FBXO34: variants seen among roughly 807,000 people sequenced by gnomAD.
FBXO34 encodes F-box protein 34, also known as F-box only protein 34.
Under a neutral mutation model 24.5 loss-of-function variants are expected in FBXO34, and 12 were observed. The observed-to-expected ratio is 0.49, with a 90% CI of 0.31 to 0.79. FBXO34 has a LOEUF of 0.79. Ranked by LOEUF, FBXO34 falls within the 30% of genes least tolerant of loss-of-function variation. The pLI is 0.04. For synonymous variants in FBXO34, 320 were observed against 311.9 expected, an observed-to-expected ratio of 1.03 and a Z score of -0.27; for missense variants, 823 against 857.7, an observed-to-expected ratio of 0.96 and a Z score of 0.51.
chr14:55,379,642 T>C, the FBXO34 span, among the ~76,000 whole-genome samples: 1 of 152,250 alleles, frequency 6.6e-6, no homozygotes, highest in Non-Finnish European at 1.5e-5. Context: ...TGTTTATATA[T>C]GCTTGAAATG....
intron 1 of FBXO34, among the ~76,000 whole-genome samples, chr14:55,306,878 A>G (rs868758997): frequency 6.6e-6 from 1 of 152,102 alleles, no homozygotes; most frequent in Non-Finnish European, 1.5e-5. Flanking sequence ...TTTAGGTCTT[A>G]CTAAATGGAA....
At chr14:55,432,731 C>T in the FBXO34 span, among the ~76,000 whole-genome samples, 574 of 152,228 alleles carry the variant, frequency 3.8e-3, 26 homozygotes, top group East Asian at 0.098. Context: ...ATTTATAGAG[C>T]GAGAAATTGG....
At chr14:55,401,190 G>C in the FBXO34 span, among the ~76,000 whole-genome samples, 2 of 151,656 alleles carry the variant, frequency 1.3e-5, no homozygotes, top group Non-Finnish European at 2.9e-5. Context: ...GAGAAAGTTT[G>C]AACAACTTTT....
the FBXO34 span, among the ~76,000 whole-genome samples, chr14:55,404,098 T>G: frequency 6.6e-6 from 1 of 152,150 alleles, no homozygotes; most frequent in East Asian, 1.9e-4. Context: ...TTACTTGAGG[T>G]AGATCAGCTC....
At chr14:55,388,465 C>G in the FBXO34 span, among the ~76,000 whole-genome samples, 1 of 152,248 alleles carries the variant, frequency 6.6e-6, no homozygotes, top group Non-Finnish European at 1.5e-5. Context: ...GGTGCTGTAT[C>G]TGTAATCTAC....
the FBXO34 span, chr14:55,380,673 G>A: frequency 6.2e-7 from 1 of 1,602,252 alleles, no homozygotes; most frequent in Non-Finnish European, 8.5e-7. Flanking sequence ...GTGTAGGCAG[G>A]GTTACTCTGC....
At chr14:55,415,853 G>A in the FBXO34 span, among the ~76,000 whole-genome samples, 29 of 152,100 alleles carry the variant, frequency 1.9e-4, no homozygotes, top group Admixed American at 1.9e-3. Flanking sequence ...GCGACACAGC[G>A]AGACTCTGTC....
At chr14:55,274,069 G>T (rs1403893432) in intron 1 of FBXO34, among the ~76,000 whole-genome samples, 1 of 152,192 alleles carries the variant, frequency 6.6e-6, no homozygotes, top group African/African-American at 2.4e-5. Context: ...CTCCCAAAGT[G>T]CTGGGACTAC....
At chr14:55,405,878 G>A in the FBXO34 span, among the ~76,000 whole-genome samples, 1 of 152,074 alleles carries the variant, frequency 6.6e-6, no homozygotes, top group South Asian at 2.1e-4. Flanking sequence ...TCTCCCCTGG[G>A]GGTGGGGTGG....
chr14:55,380,691 CTG>C, the FBXO34 span: 1 of 1,589,368 alleles, frequency 6.3e-7, no homozygotes, highest in Non-Finnish European at 8.6e-7. Flanking sequence ...TGCTCCATGT[CTG>C]CAGTAAGAAA....
At chr14:55,336,154 T>G (rs1178198654) in intron 1 of FBXO34, among the ~76,000 whole-genome samples, 1 of 152,236 alleles carries the variant, frequency 6.6e-6, no homozygotes, top group Non-Finnish European at 1.5e-5. Context: ...TGTATTTAAT[T>G]AGGAATTGGA....
At chr14:55,350,218 A>G (rs1270486576) in intron 1 of FBXO34, among the ~76,000 whole-genome samples, 163 bp from the exon 2 acceptor site, 1 of 151,330 alleles carries the variant, frequency 6.6e-6, no homozygotes, top group South Asian at 2.1e-4. Flanking sequence ...GTTATTCTTG[A>G]TATGTGCAGT....
intron 1 of FBXO34, among the ~76,000 whole-genome samples, chr14:55,336,166 T>G (rs1883768740): frequency 6.6e-6 from 1 of 152,228 alleles, no homozygotes; most frequent in Non-Finnish European, 1.5e-5. Flanking sequence ...GGAATTGGAT[T>G]GATTGGTCTT....
Position 55,351,837 on chromosome 14 carries a change from T to C in FBXO34, c.1447T>C (p.Phe483Leu). The C allele has an allele frequency of 6.2e-7, 1 of 1,613,750 alleles. No individual in the cohort carries two copies. Among genetic ancestry groups the C allele is most frequent in the Non-Finnish European group, 8.5e-7 (1 of 1,179,868 alleles). ...SCEDPVPGML[F>L]FLPPGQHLSD... ...TGAAGACCCAGTTCCAGGGATGTTG[T>C]TTTTTTTGCCACCTGGTCAGCACTT... Residue 483 changes from phenylalanine (F) to leucine (L), a missense_variant, in exon 2 of 2, where the codon TTT (phenylalanine) becomes CTT (leucine). By Grantham distance (22) the Phe-to-Leu change is conservative (BLOSUM62 0). Around this residue, in one of 2 missense-constraint regions of FBXO34, gnomAD observed 693 missense variants for 659.1 expected, o/e 1.05. Transcript: ENST00000313833.
chr14:55,322,283 C>G (rs1290169285), intron 1 of FBXO34, among the ~76,000 whole-genome samples: 1 of 148,552 alleles, frequency 6.7e-6, no homozygotes, highest in Non-Finnish European at 1.5e-5. Flanking sequence ...GCACTCCAGC[C>G]TGGGCAACAG....
At chr14:55,428,928 G>A in the FBXO34 span, 2 of 1,614,134 alleles carry the variant, frequency 1.2e-6, no homozygotes, top group Non-Finnish European at 1.7e-6. Flanking sequence ...CCAAGCTTCT[G>A]CACCACACGA....
intron 1 of FBXO34, among the ~76,000 whole-genome samples, chr14:55,292,970 T>C (rs530686009): frequency 5.9e-5 from 9 of 152,156 alleles, no homozygotes; most frequent in Non-Finnish European, 1.2e-4. Context: ...GCAGCCTCCA[T>C]CTCCCAGGTT....
rs777578531 is a variant in FBXO34, at chr14:55,324,161, A to T, written c.-10-26220A>T. On this transcript the variant is annotated intron_variant, in intron 1 of 1. Transcript: ENST00000313833. ...CTGTCTATAGAATTGCTTCTTCTGG[A>T]CACTTCATACAAATAGAATCATATA... Among the ~76,000 whole-genome samples the T allele has an allele frequency of 6.6e-5, 10 of 151,420 alleles. No individual in the cohort carries two copies. The South Asian group carries it at 8.6e-4, about 13-fold the overall frequency.
chr14:55,370,026 G>T, downstream of FBXO34: 1 of 1,131,146 alleles, frequency 8.8e-7, no homozygotes, highest in Non-Finnish European at 1.2e-6. Flanking sequence ...GATGAGGGAC[G>T]CCGCACACCC....
Sources: gnomAD v4.1 joint callset for allele counts (sites outside exome capture counted in the v4.1 genomes callset) on GRCh38, gnomAD v4.1.1 for gene constraint, gnomAD v4.1.1 regional missense constraint, MANE v1.5 for transcripts, NCBI Gene and HGNC (gene_info 2026-07-23, HGNC 2026-07-21) for gene names.